Variants in LINC01488 observed in about 807,000 individuals in gnomAD.
LINC01488 encodes the protein CCND1-upstream intergenic DNA repair 1.
At position 69,488,575 on chromosome 11, in the gene LINC01488, A is replaced by G. The variant is rs372029541; in HGVS notation, n.123-1920A>G. 2.9e-3 allele frequency among the ~76,000 whole-genome samples: 436 copies of G among 152,338 alleles called. 1 individual carries two copies. The highest frequency in any genetic ancestry group is 9.8e-3 in the African/African-American group (406 of 41,594). On this transcript the variant is annotated intron_variant and non_coding_transcript_variant, in intron 1 of 3. Transcript: ENST00000644563. ...AACCCTGGAGAAGGCCCTGCTGGGC[A>G]GGGGCAGTTAATGGACCGGCCCGGG...
rs61662827 is a variant in LINC01488 at position 69,482,005 on chromosome 11, AGATG to A, written n.122+243_122+246del. 8.4e-3 allele frequency among the ~76,000 whole-genome samples: 1,268 copies of A among 150,758 alleles called. 19 individuals carry two copies. Among genetic ancestry groups the A allele is most frequent in the Middle Eastern group, 0.043 (12 of 276 alleles). On this transcript the variant is annotated intron_variant and non_coding_transcript_variant, in intron 1 of 3. Transcript: ENST00000644563. ...TGGATGGATGAGTGGATGGACGGAC[AGATG>A]GATGGATGGATGGATGGATGAGTGA...
At chr11:69,481,942 G>C (rs1385119992) in intron 1 of LINC01488, among the ~76,000 whole-genome samples, 1 of 151,944 alleles carries the variant, frequency 6.6e-6, no homozygotes, top group Admixed American at 6.6e-5. Flanking sequence ...TGGATGGATA[G>C]ATGAGTAGAT....
chr11:69,482,896 G>A (rs1196741569), intron 1 of LINC01488, among the ~76,000 whole-genome samples: 2 of 152,100 alleles, frequency 1.3e-5, no homozygotes, highest in Non-Finnish European at 2.9e-5. Context: ...ATGTGGGTCC[G>A]TATCCTAATC....
intron 1 of LINC01488, among the ~76,000 whole-genome samples, chr11:69,484,932 A>T (rs1857089726): frequency 6.6e-6 from 1 of 152,116 alleles, no homozygotes; most frequent in Non-Finnish European, 1.5e-5. Context: ...AGTGCATGTG[A>T]TTTACAATGG....
chr11:69,490,512 A>G (rs901494691), exon 2 of LINC01488: 5 of 152,262 alleles, frequency 3.3e-5, no homozygotes, highest in African/African-American at 1.2e-4. Flanking sequence ...CTCATCTGGA[A>G]GCATTAAAAC....
chr11:69,484,440 T>C (rs1203517152), intron 1 of LINC01488, among the ~76,000 whole-genome samples: 2 of 152,180 alleles, frequency 1.3e-5, no homozygotes, highest in African/African-American at 4.8e-5. Context: ...GGGTGTTGCC[T>C]TCTGCACATC....
intron 1 of LINC01488, among the ~76,000 whole-genome samples, chr11:69,484,396 G>GC (rs1452636555): frequency 6.6e-6 from 1 of 152,160 alleles, no homozygotes; most frequent in Non-Finnish European, 1.5e-5. Flanking sequence ...TGGGCCCAGA[G>GC]CCCCATGCAC....
chr11:69,488,793 A>T (rs925450464), intron 1 of LINC01488, among the ~76,000 whole-genome samples: 3 of 152,140 alleles, frequency 2.0e-5, no homozygotes, highest in Admixed American at 2.0e-4. Context: ...GGCATGGGGA[A>T]CCGGCAGCAA....
At chr11:69,489,136 G>C (rs1857173546) in intron 1 of LINC01488, among the ~76,000 whole-genome samples, 1 of 152,142 alleles carries the variant, frequency 6.6e-6, no homozygotes, top group African/African-American at 2.4e-5. Flanking sequence ...TCGGATTGGG[G>C]GGAGCTGGAC....
intron 1 of LINC01488, among the ~76,000 whole-genome samples, chr11:69,489,367 T>G (rs1359982303): frequency 6.6e-6 from 1 of 152,246 alleles, no homozygotes; most frequent in Non-Finnish European, 1.5e-5. Context: ...CGTTGGGCTC[T>G]GAGGACCCCT....
At chr11:69,487,303 G>A (rs1857140184) in intron 1 of LINC01488, among the ~76,000 whole-genome samples, 1 of 152,242 alleles carries the variant, frequency 6.6e-6, no homozygotes, top group Non-Finnish European at 1.5e-5. Flanking sequence ...GGGTGGGACG[G>A]CATGGGAAGG....
At chr11:69,486,733 C>T (rs1276896067) in intron 1 of LINC01488, among the ~76,000 whole-genome samples, 1 of 152,184 alleles carries the variant, frequency 6.6e-6, no homozygotes, top group Non-Finnish European at 1.5e-5. Flanking sequence ...CCCAGCCCAT[C>T]TGAGGAGCTC....
intron 1 of LINC01488, among the ~76,000 whole-genome samples, chr11:69,487,666 G>T (rs983028013): frequency 2.0e-5 from 3 of 152,184 alleles, no homozygotes; most frequent in African/African-American, 4.8e-5. Context: ...GACCAGTGTG[G>T]CACAGCAGGG....
intron 1 of LINC01488, among the ~76,000 whole-genome samples, chr11:69,484,833 C>T (rs577620157): frequency 2.0e-4 from 31 of 152,324 alleles, no homozygotes; most frequent in African/African-American, 7.0e-4. Context: ...GGCTCAGGAC[C>T]GTCTGCAGGT....
At chr11:69,484,888 C>T (rs1590868547) in intron 1 of LINC01488, among the ~76,000 whole-genome samples, 2 of 152,242 alleles carry the variant, frequency 1.3e-5, no homozygotes, top group Admixed American at 1.3e-4. Flanking sequence ...TCTTCACTGG[C>T]TCCTTTGTTT....
At chr11:69,483,348 C>T (rs1052306695) in intron 1 of LINC01488, among the ~76,000 whole-genome samples, 3 of 152,212 alleles carry the variant, frequency 2.0e-5, no homozygotes, top group Admixed American at 1.3e-4. Flanking sequence ...CACTTATCAG[C>T]TGTGTGTCTT....
chr11:69,485,099 G>C (rs1019988251), intron 1 of LINC01488, among the ~76,000 whole-genome samples: 2 of 152,194 alleles, frequency 1.3e-5, no homozygotes, highest in African/African-American at 4.8e-5. Flanking sequence ...GGGGGGCGGG[G>C]TGGAGTTCAT....
At chr11:69,483,996 G>T (rs1268447612) in intron 1 of LINC01488, among the ~76,000 whole-genome samples, 4 of 152,212 alleles carry the variant, frequency 2.6e-5, no homozygotes, top group Non-Finnish European at 5.9e-5. Flanking sequence ...GGTGATGCCC[G>T]ACTCACTCCA....
chr11:69,488,101 C>A (rs1052198556), intron 1 of LINC01488: 2 of 152,354 alleles, frequency 1.3e-5, no homozygotes, highest in Non-Finnish European at 2.9e-5. Context: ...GCACAGGCCT[C>A]GAACCTCCTC....
Sources: allele counts gnomAD v4.1 joint callset (sites outside exome capture counted in the v4.1 genomes callset), GRCh38; gene constraint gnomAD v4.1.1; transcripts MANE v1.5; gene names NCBI Gene and HGNC (gene_info 2026-07-23, HGNC 2026-07-21).